The following DOK5 variants were observed in gnomAD, a reference collection of about 807,000 sequenced individuals.
DOK5 encodes the protein downstream of tyrosine kinase 5.
DOK5 carries 27 observed loss-of-function variants against 43.3 expected under a neutral mutation model. The ratio of observed to expected loss-of-function variants is 0.62; its 90% confidence interval spans 0.46 to 0.86. The LOEUF (loss-of-function observed/expected upper bound fraction) is 0.86. Ranked by LOEUF, DOK5 falls within the 40% of genes least tolerant of loss-of-function variation. The probability of loss-of-function intolerance (pLI) is 0.00; values close to 1 mark genes in which losing one functional copy is unlikely to be tolerated. For synonymous variants in DOK5, 146 were observed against 140.1 expected (o/e 1.04, Z -0.30); for missense variants, 373 against 392.9 (o/e 0.95, Z 0.43).
chr20:54,643,687 C>T (rs1343430193), intron 7 of DOK5, 109 bp downstream of exon 7: 2 of 1,418,950 alleles, frequency 1.4e-6, no homozygotes, highest in Non-Finnish European at 1.9e-6. Context: ...AGTGCCCTTC[C>T]TCCAAAGGTA....
intron 4 of DOK5, among the ~76,000 whole-genome samples, chr20:54,589,097 A>T (rs922957172): frequency 3.3e-5 from 5 of 152,142 alleles, no homozygotes; most frequent in Non-Finnish European, 5.9e-5. Flanking sequence ...CAGATTATTT[A>T]TTGTACTTTT....
intron 2 of DOK5, among the ~76,000 whole-genome samples, chr20:54,584,587 C>G (rs937242105): frequency 6.6e-6 from 1 of 150,446 alleles, no homozygotes; most frequent in African/African-American, 2.4e-5. Context: ...ATACAATATT[C>G]GTAACATTAC....
intron 6 of DOK5, among the ~76,000 whole-genome samples, chr20:54,612,540 G>A (rs1419091935): frequency 6.6e-6 from 1 of 152,094 alleles, no homozygotes; most frequent in African/African-American, 2.4e-5. Context: ...TATGTGAGTG[G>A]GCCTCATCCA....
intron 2 of DOK5, among the ~76,000 whole-genome samples, chr20:54,588,049 A>G (rs1183565889): frequency 6.6e-6 from 1 of 152,050 alleles, no homozygotes; most frequent in Admixed American, 6.5e-5. Context: ...TGTATTTAAG[A>G]CACTTACATG....
chr20:54,637,947 C>T (rs576439728), intron 6 of DOK5, among the ~76,000 whole-genome samples: 4 of 152,036 alleles, frequency 2.6e-5, no homozygotes, highest in Non-Finnish European at 5.9e-5. Flanking sequence ...ACGGTGAAAC[C>T]CCGTCTCTAC....
At chr20:54,579,209 A>T (rs1005310952) in intron 2 of DOK5, among the ~76,000 whole-genome samples, 2 of 152,222 alleles carry the variant, frequency 1.3e-5, no homozygotes, top group South Asian at 2.1e-4. Context: ...ACAATAAGAG[A>T]AAACTTTTCT....
At chr20:54,591,835 T>A (rs1600722237) in intron 5 of DOK5, 30 bp downstream of exon 5, 1 of 1,594,686 alleles carries the variant, frequency 6.3e-7, no homozygotes, top group East Asian at 2.2e-5. Context: ...ATGACTATTT[T>A]TCTGTTTGTG....
Position 54,558,717 on chromosome 20 carries a change from G to A in DOK5, c.174+3677G>A, listed in dbSNP as rs561339324. On this transcript the variant is annotated intron_variant, in intron 2 of 7. Coordinates refer to ENST00000262593, the MANE Select transcript of DOK5 (RefSeq NM_018431.5). Reference sequence around the variant, plus strand: ...GCTATTTGATCAATACGGAGGTGGTGTGGTGGATGCAGACATATCCCTCCC... The same window carrying A: ...GCTATTTGATCAATACGGAGGTGGTATGGTGGATGCAGACATATCCCTCCC... Among the ~76,000 whole-genome samples, 3 of 152,286 alleles carry A rather than the reference G, an allele frequency of 2.0e-5. No individual in the cohort carries two copies. The South Asian group carries it at 6.2e-4, about 32-fold the overall frequency.
In DOK5 at chr20:54,476,023, A is replaced by G. The variant is rs767064202; in HGVS notation, c.66+11A>G. On this transcript the variant is annotated intron_variant, in intron 1 of 7. Coordinates refer to ENST00000262593, the MANE Select transcript of DOK5 (RefSeq NM_018431.5). ...AGCAGACGCCTCGGGGTGAGTATCG[A>G]TCCTCTCCGTGTTGCTGTTCGCCGG... The G allele has an allele frequency of 6.2e-7, 1 of 1,612,936 alleles. No individual in the cohort carries two copies. Among genetic ancestry groups the G allele is most frequent in the South Asian group, 1.1e-5 (1 of 90,522 alleles).
Position 54,480,897 on chromosome 20 carries a change from G to A in DOK5, c.66+4885G>A, listed in dbSNP as rs539974010. On this transcript the variant is annotated intron_variant, in intron 1 of 7. Coordinates refer to ENST00000262593, the MANE Select transcript of DOK5 (RefSeq NM_018431.5). ...CTACCCTCTCAATGAGGCCTTTAAG[G>A]CCTCCATCTATCTATCTATCTATCT... 3.0e-3 allele frequency among the ~76,000 whole-genome samples: 398 copies of A among 133,150 alleles called. 3 individuals carry two copies. The highest frequency in any genetic ancestry group is 0.011 in the African/African-American group (361 of 31,472). 87.4% of individuals were successfully genotyped at this position (133,150 alleles called of 152,430 possible). A position where few individuals can be genotyped will look rare whatever the true frequency, so the allele number is the denominator to read the frequency against.
chr20:54,631,120 A>C (rs148871913), intron 6 of DOK5, among the ~76,000 whole-genome samples: 33 of 152,242 alleles, frequency 2.2e-4, no homozygotes, highest in African/African-American at 7.7e-4. Context: ...GGATATGTTC[A>C]TAATATACTA....
intron 1 of DOK5, among the ~76,000 whole-genome samples, chr20:54,530,462 A>G (rs537954632): frequency 3.3e-5 from 5 of 152,322 alleles, no homozygotes; most frequent in Non-Finnish European, 1.5e-5. Flanking sequence ...CCTTTAAAGA[A>G]GAAACATTTA....
intron 6 of DOK5, among the ~76,000 whole-genome samples, chr20:54,631,609 T>C (rs986957519): frequency 6.6e-6 from 1 of 152,190 alleles, no homozygotes; most frequent in Non-Finnish European, 1.5e-5. Context: ...CTACCTTATA[T>C]GTTTTCCTGT....
intron 1 of DOK5, among the ~76,000 whole-genome samples, chr20:54,535,739 C>A (rs906106892): frequency 6.6e-5 from 10 of 151,968 alleles, no homozygotes; most frequent in South Asian, 2.1e-4. Flanking sequence ...GCACTTGGTA[C>A]AATGAACTTT....
chr20:54,650,679 G>A lies in DOK5; in HGVS notation c.*200G>A. 1.9e-6 allele frequency: 1 copy of A among 520,258 alleles called. No homozygotes were observed. Among genetic ancestry groups the A allele is most frequent in the Non-Finnish European group, 3.4e-6 (1 of 296,328 alleles). The allele number at this position is 520,258 out of a possible 1,614,324, so 32.2% of individuals were successfully genotyped here. A position where few individuals can be genotyped will look rare whatever the true frequency, so the allele number is the denominator to read the frequency against. On this transcript the variant is annotated 3_prime_UTR_variant, in exon 8 of 8. Transcript: ENST00000262593. ...TCTTTTTTAAATTCTTAGTGTAATT[G>A]AAACGTGCTCTATAGATATTGACTC...
chr20:54,622,416 C>G (rs751173803), intron 6 of DOK5, among the ~76,000 whole-genome samples: 6 of 152,096 alleles, frequency 3.9e-5, no homozygotes, highest in Non-Finnish European at 8.8e-5. Context: ...CTTATAACAA[C>G]GTAATAACTT....
At chr20:54,642,677 C>G (rs368631622) in intron 6 of DOK5, among the ~76,000 whole-genome samples, 1 of 151,768 alleles carries the variant, frequency 6.6e-6, no homozygotes. Context: ...GAGCTGTGAT[C>G]GTGCTACCAC....
intron 1 of DOK5, among the ~76,000 whole-genome samples, chr20:54,509,319 T>C (rs1445136028): frequency 6.6e-6 from 1 of 152,206 alleles, no homozygotes; most frequent in Non-Finnish European, 1.5e-5. Flanking sequence ...GCCTCCCCAG[T>C]AGATGGGACT....
chr20:54,545,587 A>G (rs531579158), intron 1 of DOK5, among the ~76,000 whole-genome samples: 4 of 152,354 alleles, frequency 2.6e-5, no homozygotes, highest in African/African-American at 9.6e-5. Context: ...AAGAGTTGAG[A>G]AGTTGTATGA....
Sources: gnomAD v4.1 joint callset for allele counts (sites outside exome capture counted in the v4.1 genomes callset) on GRCh38, gnomAD v4.1.1 for gene constraint, MANE v1.5 for transcripts, NCBI Gene and HGNC (gene_info 2026-07-23, HGNC 2026-07-21) for gene names.